Variants in GJB7 observed in about 807,000 individuals in gnomAD.
The protein encoded by GJB7 is gap junction protein beta 7, also known as gap junction beta-7 protein.
For synonymous variants in GJB7, 87 were observed against 95.2 expected (o/e 0.91, Z 0.50); for missense variants, 253 against 256.8 (o/e 0.99, Z 0.10).
intron 2 of GJB7, among the ~76,000 whole-genome samples, chr6:87,311,368 T>A (rs1776510730): frequency 6.6e-6 from 1 of 152,154 alleles, no homozygotes; most frequent in Non-Finnish European, 1.5e-5. Flanking sequence ...AAACTGGAAA[T>A]ACCCAAATGC....
intron 2 of GJB7, among the ~76,000 whole-genome samples, chr6:87,288,806 C>T (rs1776112117): frequency 6.6e-6 from 1 of 152,274 alleles, no homozygotes; most frequent in Non-Finnish European, 1.5e-5. Flanking sequence ...CAAAACTTTT[C>T]ACTCTTTTCA....
chr6:87,325,694 C>G (rs1411794666), intron 1 of GJB7, among the ~76,000 whole-genome samples: 2 of 151,946 alleles, frequency 1.3e-5, no homozygotes, highest in Non-Finnish European at 2.9e-5. Flanking sequence ...ATTTTTGCAT[C>G]AATGTTCATC....
At chr6:87,292,143 A>G (rs986761650) in intron 2 of GJB7, among the ~76,000 whole-genome samples, 17 of 152,214 alleles carry the variant, frequency 1.1e-4, no homozygotes, top group African/African-American at 3.1e-4. Flanking sequence ...GCTGTTTTCA[A>G]TATGTATTGA....
At chr6:87,312,194 A>G (rs1776519711) in intron 2 of GJB7, among the ~76,000 whole-genome samples, 1 of 152,076 alleles carries the variant, frequency 6.6e-6, no homozygotes, top group Non-Finnish European at 1.5e-5. Flanking sequence ...TTATACTTCA[A>G]TTAAACAAAA....
rs1381097444 is a variant in GJB7 at position 87,284,326 on chromosome 6, A to G, written c.587T>C (p.Ile196Thr). 4.3e-6 allele frequency: 7 copies of G among 1,614,156 alleles called. No individual in the cohort carries two copies. Among genetic ancestry groups the G allele is most frequent in the East Asian group, 2.2e-5 (1 of 44,884 alleles). ...CTTGAGAACCAAAAAACTCAGTTCA[A>G]TGAAATTCAACACAATACACAAGCA... is the stretch of plus-strand genomic sequence containing the variant. ...TSCLCIVLNFIELSFLVLKCF... is the reference protein window; with the variant it reads ...TSCLCIVLNFTELSFLVLKCF... The change falls in exon 3 of 3, where the codon ATT (isoleucine) becomes ACT (threonine). Residue 196 changes from isoleucine (I) to threonine (T), a missense_variant. By Grantham distance (89) the Ile-to-Thr change is moderately conservative (BLOSUM62 -1). Transcript: ENST00000525899.
At chr6:87,307,230 T>C (rs1267653200) in intron 2 of GJB7, among the ~76,000 whole-genome samples, 1 of 140,508 alleles carries the variant, frequency 7.1e-6, no homozygotes, top group East Asian at 2.1e-4. Flanking sequence ...AAAAAAAAGA[T>C]GGATTAAAGA....
intron 2 of GJB7, among the ~76,000 whole-genome samples, chr6:87,305,904 C>G (rs1335330819): frequency 1.3e-5 from 2 of 152,148 alleles, no homozygotes; most frequent in Non-Finnish European, 2.9e-5. Flanking sequence ...TTTGACAAAT[C>G]TGAGAAAAAC....
At chr6:87,292,514 C>T (rs1243069671) in intron 2 of GJB7, among the ~76,000 whole-genome samples, 1 of 152,068 alleles carries the variant, frequency 6.6e-6, no homozygotes, top group Non-Finnish European at 1.5e-5. Context: ...AAGTAAAAAT[C>T]ACTTTCCCAA....
At chr6:87,325,079 G>A (rs1465302605) in intron 1 of GJB7, among the ~76,000 whole-genome samples, 6 of 151,946 alleles carry the variant, frequency 3.9e-5, no homozygotes, top group Admixed American at 3.9e-4. Flanking sequence ...TTTGTTGCTG[G>A]TGTATAAGAA....
At chr6:87,302,695 T>G (rs1274164421) in intron 2 of GJB7, among the ~76,000 whole-genome samples, 2 of 152,108 alleles carry the variant, frequency 1.3e-5, no homozygotes, top group East Asian at 3.8e-4. Flanking sequence ...AAGATACTCC[T>G]CGAGAAGAGC....
intron 2 of GJB7, among the ~76,000 whole-genome samples, chr6:87,304,279 A>G (rs1242247076): frequency 2.0e-5 from 3 of 152,360 alleles, no homozygotes; most frequent in East Asian, 3.9e-4. Flanking sequence ...ATAGACCGCT[A>G]GCAAGATTAA....
At chr6:87,305,944 T>C (rs1158209237) in intron 2 of GJB7, among the ~76,000 whole-genome samples, 1 of 152,054 alleles carries the variant, frequency 6.6e-6, no homozygotes. Context: ...CCCTATTTAA[T>C]AAATGGTGCT....
intron 2 of GJB7, among the ~76,000 whole-genome samples, chr6:87,314,862 G>A (rs1238152746): frequency 2.6e-5 from 4 of 152,264 alleles, no homozygotes; most frequent in South Asian, 2.1e-4. Context: ...CTTTCCTGGG[G>A]CATCCACGCC....
At chr6:87,299,808 T>C (rs765073392) in intron 2 of GJB7, 33 of 173,270 alleles carry the variant, frequency 1.9e-4, no homozygotes, top group Non-Finnish European at 3.7e-4. Flanking sequence ...TGACCAAATA[T>C]GATGCTATGC....
intron 2 of GJB7, among the ~76,000 whole-genome samples, chr6:87,297,630 C>A (rs1291028021): frequency 6.6e-6 from 1 of 152,074 alleles, no homozygotes; most frequent in Admixed American, 6.5e-5. Context: ...GAAAATTTAA[C>A]CAAGTTACTG....
At chr6:87,326,102 C>T (rs570431563) in intron 1 of GJB7, among the ~76,000 whole-genome samples, 88 of 152,200 alleles carry the variant, frequency 5.8e-4, no homozygotes, top group Middle Eastern at 3.4e-3. Context: ...TCTGTGGGAT[C>T]GGTGGTGATA....
chr6:87,313,122 C>T (rs996054420), intron 2 of GJB7, among the ~76,000 whole-genome samples: 1 of 152,166 alleles, frequency 6.6e-6, no homozygotes, highest in African/African-American at 2.4e-5. Flanking sequence ...AAAACAATGA[C>T]GGTAATCTAC....
chr6:87,320,022 T>C (rs949547269), intron 2 of GJB7, among the ~76,000 whole-genome samples: 1 of 151,838 alleles, frequency 6.6e-6, no homozygotes, highest in Non-Finnish European at 1.5e-5. Flanking sequence ...GGAAGGGTAG[T>C]GGGGATGGGG....
intron 2 of GJB7, chr6:87,322,421 C>G (rs1776681998): frequency 6.6e-6 from 1 of 150,734 alleles, no homozygotes; most frequent in Non-Finnish European, 1.5e-5. Flanking sequence ...CACTTCAGCC[C>G]GCAGACCCCA....
Sources: allele counts gnomAD v4.1 joint callset (sites outside exome capture counted in the v4.1 genomes callset), GRCh38; gene constraint gnomAD v4.1.1; transcripts MANE v1.5; gene names NCBI Gene and HGNC (gene_info 2026-07-23, HGNC 2026-07-21).